Variants in RIMS2 observed in about 807,000 individuals in gnomAD.
The protein encoded by RIMS2 is regulating synaptic membrane exocytosis 2.
Under a neutral mutation model 174.4 loss-of-function variants are expected in RIMS2, and 59 were observed. That is an observed-to-expected ratio of 0.34 (90% CI 0.27 to 0.42). RIMS2 has a LOEUF of 0.42. Among genes scored for constraint, RIMS2 ranks in the 10% least tolerant of loss-of-function variants. The pLI is 1.00. For missense variants in RIMS2, 1,620 were observed against 1,666.3 expected, an observed-to-expected ratio of 0.97 and a Z score of 0.48; for synonymous variants, 606 against 572.5, an observed-to-expected ratio of 1.06 and a Z score of -0.84.
chr8:103,672,249 T>G (rs182014090), intron 1 of RIMS2, among the ~76,000 whole-genome samples: 1 of 152,232 alleles, frequency 6.6e-6, no homozygotes, highest in South Asian at 2.1e-4. Context: ...GAACAGAAAT[T>G]TATCTACTAT....
chr8:103,582,037 G>C (rs1371522092), intron 1 of RIMS2, among the ~76,000 whole-genome samples: 4 of 152,184 alleles, frequency 2.6e-5, no homozygotes, highest in Non-Finnish European at 5.9e-5. Flanking sequence ...TCTTCCAATT[G>C]AGGAGAGGAG....
At chr8:104,112,185 T>G (rs998257422) in intron 19 of RIMS2, among the ~76,000 whole-genome samples, 7 of 152,188 alleles carry the variant, frequency 4.6e-5, no homozygotes, top group Non-Finnish European at 8.8e-5. Context: ...TCAATCAATG[T>G]AATAACGAGT....
chr8:103,557,101 G>GA (rs1433114331), intron 1 of RIMS2, among the ~76,000 whole-genome samples: 5 of 152,122 alleles, frequency 3.3e-5, no homozygotes, highest in Admixed American at 6.6e-5. Context: ...AGAATTAAAT[G>GA]AAAAAATGTA....
At chr8:104,173,511 A>G (rs993507129) in intron 19 of RIMS2, among the ~76,000 whole-genome samples, 1 of 151,034 alleles carries the variant, frequency 6.6e-6, no homozygotes, top group Non-Finnish European at 1.5e-5. Flanking sequence ...TATGGTTTTG[A>G]TCATGAGAGT....
At chr8:103,553,821 C>G (rs1485550147) in intron 1 of RIMS2, among the ~76,000 whole-genome samples, 4 of 151,308 alleles carry the variant, frequency 2.6e-5, no homozygotes, top group Admixed American at 6.6e-5. Flanking sequence ...GCTACTGTAA[C>G]TAAAACAGCA....
chr8:103,989,471 T>C, intron 17 of RIMS2, 50 bp downstream of exon 19: 1 of 946,956 alleles, frequency 1.1e-6, no homozygotes, highest in Admixed American at 2.1e-5. Flanking sequence ...TAATCACTGC[T>C]TTCAGGAAGG....
chr8:103,572,807 A>T lies in RIMS2; in HGVS notation c.176+71745A>T, dbSNP rs1171627237. 2.6e-5 allele frequency among the ~76,000 whole-genome samples: 4 copies of T among 151,918 alleles called. No individual in the cohort carries two copies. In the East Asian group the frequency reaches 7.7e-4, roughly 29 times the overall value. On this transcript the variant is annotated intron_variant, in intron 1 of 23. Coordinates refer to ENST00000504942, the Ensembl canonical transcript of RIMS2. ...TTCCTTATAGATTTTGGATATTAGT[A>T]CTTGGATACATAGTTTGCAAATATT...
exon 4 of RIMS2, chr8:103,885,973 C>G: frequency 6.2e-7 from 1 of 1,612,996 alleles, no homozygotes; most frequent in Non-Finnish European, 8.5e-7. Context: ...GGAAACAGCA[C>G]CACTTAGATC....
intron 19 of RIMS2, among the ~76,000 whole-genome samples, chr8:104,200,048 A>T (rs1587182622): frequency 6.6e-6 from 1 of 152,322 alleles, no homozygotes; most frequent in East Asian, 1.9e-4. Context: ...GAGCATGAGG[A>T]ATCAAATAGC....
chr8:103,829,500 T>C (rs560888829), intron 3 of RIMS2, among the ~76,000 whole-genome samples: 54 of 152,288 alleles, frequency 3.5e-4, no homozygotes, highest in African/African-American at 1.2e-3. Context: ...GAAGAAAATA[T>C]ACACATACAT....
chr8:104,198,257 CA>C (rs2099035911), intron 19 of RIMS2, among the ~76,000 whole-genome samples: 1 of 152,122 alleles, frequency 6.6e-6, no homozygotes, highest in African/African-American at 2.4e-5. Context: ...GGCAGAGTCG[CA>C]AAAAGAGACA....
At chr8:103,551,710 C>A (rs1396569774) in intron 1 of RIMS2, among the ~76,000 whole-genome samples, 2 of 152,178 alleles carry the variant, frequency 1.3e-5, no homozygotes, top group South Asian at 4.1e-4. Context: ...CCCATCGTGT[C>A]AGCCCCAAAT....
At chr8:104,075,175 G>A (rs1307769713) in intron 19 of RIMS2, among the ~76,000 whole-genome samples, 1 of 151,990 alleles carries the variant, frequency 6.6e-6, no homozygotes, top group Admixed American at 6.6e-5. Flanking sequence ...CTGCTGCAGC[G>A]TCAGTTCTCA....
chr8:104,063,032 T>A (rs1348650047), intron 19 of RIMS2, among the ~76,000 whole-genome samples: 1 of 152,000 alleles, frequency 6.6e-6, no homozygotes, highest in Non-Finnish European at 1.5e-5. Context: ...CACTCTACTT[T>A]TAAAAAATCA....
intron 19 of RIMS2, among the ~76,000 whole-genome samples, chr8:104,200,329 T>G (rs1461109847): frequency 6.6e-6 from 1 of 152,232 alleles, no homozygotes; most frequent in Non-Finnish European, 1.5e-5. Context: ...TTTTGTCCTA[T>G]CAGTTCACTT....
At chr8:103,834,193 G>T (rs1564825438) in intron 3 of RIMS2, among the ~76,000 whole-genome samples, 3 of 151,848 alleles carry the variant, frequency 2.0e-5, no homozygotes, top group African/African-American at 7.3e-5. Flanking sequence ...TAGAGACAGG[G>T]TTGATTGTTT....
At chr8:104,196,627 T>C (rs905771564) in intron 19 of RIMS2, among the ~76,000 whole-genome samples, 10 of 152,160 alleles carry the variant, frequency 6.6e-5, no homozygotes, top group African/African-American at 2.4e-4. Flanking sequence ...TAGTACAGTT[T>C]TTCACTGTGG....
intron 4 of RIMS2, among the ~76,000 whole-genome samples, chr8:103,897,164 G>T (rs1272122707): frequency 1.3e-5 from 2 of 151,446 alleles, no homozygotes; most frequent in Admixed American, 1.3e-4. Context: ...CTATTAATTA[G>T]CCAAGCCATT....
chr8:104,083,022 T>C (rs2097454421), intron 19 of RIMS2, among the ~76,000 whole-genome samples: 1 of 152,156 alleles, frequency 6.6e-6, no homozygotes, highest in South Asian at 2.1e-4. Context: ...GTCCCTGCTT[T>C]GACTGTTGGC....
Sources: gnomAD v4.1 joint callset for allele counts (sites outside exome capture counted in the v4.1 genomes callset) on GRCh38, gnomAD v4.1.1 for gene constraint, MANE v1.5 for transcripts, NCBI Gene and HGNC (gene_info 2026-07-23, HGNC 2026-07-21) for gene names.